SUCO: variants seen among roughly 807,000 people sequenced by gnomAD.
The protein encoded by SUCO is SUN domain-containing ossification factor.
In SUCO, 57 loss-of-function variants were observed where a neutral mutation model predicts 148.1. That is an observed-to-expected ratio of 0.38 (90% CI 0.31 to 0.48). The LOEUF (loss-of-function observed/expected upper bound fraction) is 0.48, where lower values mean the gene tolerates loss of function less well. Ranked by LOEUF, SUCO falls within the 20% of genes least tolerant of loss-of-function variation. The pLI, the probability that SUCO is intolerant of heterozygous loss-of-function variation, is 0.96. For missense variants in SUCO, 1,331 were observed against 1,468.2 expected (o/e 0.91, Z 1.53); for synonymous variants, 470 against 502.7 (o/e 0.93, Z 0.87).
intron 20 of SUCO, among the ~76,000 whole-genome samples, chr1:172,601,074 T>A (rs886265244): frequency 1.3e-5 from 2 of 152,158 alleles, no homozygotes; most frequent in African/African-American, 4.8e-5. Context: ...TTAGAAGTAT[T>A]AAGAAGTGAT....
chr1:172,554,478 T>C (rs949425597), intron 3 of SUCO, among the ~76,000 whole-genome samples: 1 of 152,172 alleles, frequency 6.6e-6, no homozygotes, highest in Non-Finnish European at 1.5e-5. Flanking sequence ...TTTTGAAGAC[T>C]TAATTAAAAA....
intron 15 of SUCO, among the ~76,000 whole-genome samples, chr1:172,583,351 T>C (rs1656011947): frequency 1.3e-5 from 2 of 152,154 alleles, no homozygotes; most frequent in African/African-American, 4.8e-5. Context: ...ATATTGAGCC[T>C]TTGTGTGTTA....
intron 19 of SUCO, among the ~76,000 whole-genome samples, chr1:172,593,925 G>A (rs1181782600): frequency 6.6e-6 from 1 of 152,046 alleles, no homozygotes; most frequent in Non-Finnish European, 1.5e-5. Context: ...TTGGTTGGTA[G>A]GCTATTAATT....
intron 6 of SUCO, among the ~76,000 whole-genome samples, chr1:172,565,736 C>T (rs1214039194): frequency 6.6e-6 from 1 of 152,136 alleles, no homozygotes; most frequent in Non-Finnish European, 1.5e-5. Context: ...AAGTTAAAAG[C>T]AAACAATAAG....
intron 15 of SUCO, among the ~76,000 whole-genome samples, chr1:172,582,273 T>A (rs1238241696): frequency 8.5e-5 from 13 of 152,184 alleles, no homozygotes; most frequent in Admixed American, 8.5e-4. Flanking sequence ...ACCATTTTCC[T>A]AGAAAATGTG....
intron 18 of SUCO, chr1:172,590,518 TC>T: frequency 4.4e-6 from 1 of 226,646 alleles, no homozygotes; most frequent in Non-Finnish European, 7.3e-6. Context: ...CCTCTGTGTG[TC>T]CATTGTCTGT....
intron 1 of SUCO, 30 bp from the exon 2 acceptor site, chr1:172,551,482 T>C: frequency 8.1e-6 from 11 of 1,351,544 alleles, no homozygotes; most frequent in Non-Finnish European, 1.1e-5. Context: ...TCTCTTTTTC[T>C]GTTTGTTGGT....
At chr1:172,539,087 T>A (rs1341447836) in intron 1 of SUCO, among the ~76,000 whole-genome samples, 1 of 152,222 alleles carries the variant, frequency 6.6e-6, no homozygotes, top group Non-Finnish European at 1.5e-5. Flanking sequence ...ATTTTTCGTT[T>A]GTTCATGAAC....
intron 3 of SUCO, among the ~76,000 whole-genome samples, chr1:172,553,792 A>T (rs1364837526): frequency 6.6e-6 from 1 of 152,180 alleles, no homozygotes; most frequent in Non-Finnish European, 1.5e-5. Flanking sequence ...AATAGATCAA[A>T]ATATGTTTTT....
intron 1 of SUCO, among the ~76,000 whole-genome samples, chr1:172,534,524 A>G (rs1382746131): frequency 2.0e-5 from 3 of 152,228 alleles, no homozygotes; most frequent in Admixed American, 6.5e-5. Flanking sequence ...CTCACATAAA[A>G]TAATACATAA....
At chr1:172,549,495 T>G (rs1653116253) in intron 1 of SUCO, among the ~76,000 whole-genome samples, 1 of 151,988 alleles carries the variant, frequency 6.6e-6, no homozygotes, top group African/African-American at 2.4e-5. Context: ...TAATTCTGCA[T>G]TAGGCAGATA....
chr1:172,578,469 TTAC>T, intron 14 of SUCO, 80 bp downstream of exon 14: 1 of 1,462,318 alleles, frequency 6.8e-7, no homozygotes, highest in Non-Finnish European at 9.2e-7. Context: ...GGAGTATAGC[TTAC>T]TTAAATCAAT....
intron 22 of SUCO, among the ~76,000 whole-genome samples, chr1:172,606,565 TCAA>T (rs944978606): frequency 2.6e-4 from 40 of 151,928 alleles, no homozygotes; most frequent in Middle Eastern, 3.4e-3. Flanking sequence ...TAATTTTAAC[TCAA>T]CAAGGTATTT....
rs373263547 is a variant in SUCO at position 172,585,961 on chromosome 1, G to A, written c.1658+13G>A. ...TTCCATCTCCTGAGTAAGTTATAATGTGATATTAAATAGAATTTTGTTACA... is the reference window on the plus strand; with the variant it reads ...TTCCATCTCCTGAGTAAGTTATAATATGATATTAAATAGAATTTTGTTACA... On this transcript the variant is annotated intron_variant, in intron 17 of 23. Transcript: ENST00000263688. 2.9e-5 allele frequency: 44 copies of A among 1,533,582 alleles called. No homozygotes were observed. In the African/African-American group the frequency reaches 4.4e-4, roughly 15 times the overall value. The allele number at this position is 1,533,582 out of a possible 1,614,324, so 95.0% of individuals were successfully genotyped here.
chr1:172,550,510 A>T (rs1653210875), intron 1 of SUCO, among the ~76,000 whole-genome samples: 1 of 151,928 alleles, frequency 6.6e-6, no homozygotes, highest in Non-Finnish European at 1.5e-5. Flanking sequence ...TGAATTTTCC[A>T]ATTATATAAA....
intron 11 of SUCO, chr1:172,576,824 C>T (rs923588753): frequency 2.6e-6 from 2 of 779,448 alleles, no homozygotes; most frequent in Non-Finnish European, 3.1e-6. Flanking sequence ...ACTTACAGCT[C>T]ATGAAAAGCA....
chr1:172,559,148 TC>T (rs1653957047), intron 6 of SUCO, among the ~76,000 whole-genome samples: 1 of 152,192 alleles, frequency 6.6e-6, no homozygotes, highest in Non-Finnish European at 1.5e-5. Flanking sequence ...ATTTCAAGGA[TC>T]TGTGAGACAC....
chr1:172,548,907 T>C (rs1208135393), intron 1 of SUCO, among the ~76,000 whole-genome samples: 1 of 151,990 alleles, frequency 6.6e-6, no homozygotes, highest in Non-Finnish European at 1.5e-5. Flanking sequence ...TAATCTGTTA[T>C]TTTGTGAGGT....
At chr1:172,572,072 G>T (rs1295896689) in intron 9 of SUCO, among the ~76,000 whole-genome samples, 1 of 69,254 alleles carries the variant, frequency 1.4e-5, no homozygotes, top group East Asian at 3.0e-4. Context: ...CGTCCGGGAG[G>T]GAGGTGGGGG....
Sources: gnomAD v4.1 joint callset for allele counts (sites outside exome capture counted in the v4.1 genomes callset) on GRCh38, gnomAD v4.1.1 for gene constraint, MANE v1.5 for transcripts, NCBI Gene and HGNC (gene_info 2026-07-23, HGNC 2026-07-21) for gene names.